MEF2A: variants seen among roughly 807,000 people sequenced by gnomAD.
The protein encoded by MEF2A is myocyte enhancer factor 2A.
In MEF2A, 28 loss-of-function variants were observed where a neutral mutation model predicts 55.8. That is an observed-to-expected ratio of 0.50 (90% CI 0.37 to 0.69). MEF2A has a LOEUF of 0.69. Ranked by LOEUF, MEF2A falls within the 30% of genes least tolerant of loss-of-function variation. MEF2A has a pLI of 0.00. For missense variants in MEF2A, 528 were observed against 626.2 expected (o/e 0.84, Z 1.67); for synonymous variants, 239 against 227.1 (o/e 1.05, Z -0.47).
chr15:99,639,493 A>G (rs949883066), intron 3 of MEF2A, among the ~76,000 whole-genome samples: 1 of 152,164 alleles, frequency 6.6e-6, no homozygotes, highest in African/African-American at 2.4e-5. Flanking sequence ...AAGAACAACT[A>G]TGTTGTTTCT....
chr15:99,597,620 C>T (rs931381393), intron 1 of MEF2A, among the ~76,000 whole-genome samples: 2 of 152,068 alleles, frequency 1.3e-5, no homozygotes, highest in African/African-American at 4.8e-5. Context: ...TCGCACACTC[C>T]CTCCCCTTTT....
At chr15:99,639,511 T>C (rs2044502251) in intron 3 of MEF2A, among the ~76,000 whole-genome samples, 1 of 152,230 alleles carries the variant, frequency 6.6e-6, no homozygotes, top group African/African-American at 2.4e-5. Flanking sequence ...TCTAATTTTT[T>C]ACTGTTATAA....
intron 2 of MEF2A, among the ~76,000 whole-genome samples, chr15:99,624,843 T>G (rs1035740305): frequency 6.6e-6 from 1 of 152,218 alleles, no homozygotes; most frequent in Non-Finnish European, 1.5e-5. Context: ...CTTTCATCAG[T>G]GTTTTTTAGT....
intron 2 of MEF2A, among the ~76,000 whole-genome samples, chr15:99,613,910 A>C (rs1009160520): frequency 6.6e-6 from 1 of 152,104 alleles, no homozygotes; most frequent in African/African-American, 2.4e-5. Context: ...AGTACCATAA[A>C]CTCATGAAAT....
chr15:99,579,631 A>G (rs1202094399), intron 1 of MEF2A, among the ~76,000 whole-genome samples: 1 of 152,172 alleles, frequency 6.6e-6, no homozygotes, highest in Admixed American at 6.5e-5. Context: ...CCCGGCCTCA[A>G]GTGATCCACT....
chr15:99,711,230 G>T (rs938183537), intron 11 of MEF2A, among the ~76,000 whole-genome samples: 1 of 152,192 alleles, frequency 6.6e-6, no homozygotes, highest in Middle Eastern at 3.2e-3. Context: ...GACAAGAATA[G>T]GAAGACAAGC....
intron 8 of MEF2A, among the ~76,000 whole-genome samples, chr15:99,698,910 T>G (rs2056926356): frequency 1.3e-5 from 2 of 152,028 alleles, no homozygotes; most frequent in South Asian, 4.1e-4. Context: ...TGGTCAGTTC[T>G]TATGAATTTA....
chr15:99,651,359 G>T (rs572952746), intron 4 of MEF2A, among the ~76,000 whole-genome samples: 1 of 152,294 alleles, frequency 6.6e-6, no homozygotes, highest in Non-Finnish European at 1.5e-5. Context: ...ACAGTATCAT[G>T]ATATTCTCAA....
At chr15:99,576,798 G>A (rs576084492) in intron 1 of MEF2A, among the ~76,000 whole-genome samples, 2 of 151,816 alleles carry the variant, frequency 1.3e-5, no homozygotes, top group Non-Finnish European at 2.9e-5. Flanking sequence ...CTGCCACCGC[G>A]CCCGGCTAAT....
rs2153836357 is a variant in MEF2A, at chr15:99,713,946, A to G, written c.*1175A>G. The G allele has an allele frequency of 6.6e-6, 1 of 152,344 alleles. No homozygotes were observed. The highest frequency in any genetic ancestry group is 2.4e-5 in the African/African-American group (1 of 41,580). 9.4% of individuals were successfully genotyped at this position (152,344 alleles called of 1,614,324 possible). A position where few individuals can be genotyped will look rare whatever the true frequency, so the allele number is the denominator to read the frequency against. On this transcript the variant is annotated 3_prime_UTR_variant, in exon 12 of 12. Transcript: ENST00000557942. The stretch of plus-strand genomic sequence containing the variant: ...AGTATATTTTTGTGGATTGCCGCCA[A>G]TCTGGGGGGAAAAGGCGAGGTCCTT...
chr15:99,704,816 G>A lies in MEF2A; in HGVS notation c.882+1431G>A, dbSNP rs995318199. 3.3e-5 allele frequency among the ~76,000 whole-genome samples: 5 copies of A among 152,222 alleles called. No individual in the cohort carries two copies. The South Asian group carries it at 6.2e-4, about 19-fold the overall frequency. Reference sequence around the variant, plus strand: ...TAAGTCCAAAGTAGATCTCTATCTCGAAAAGTCATTAAATTTATAAACTTG... The same window carrying A: ...TAAGTCCAAAGTAGATCTCTATCTCAAAAAGTCATTAAATTTATAAACTTG... On this transcript the variant is annotated intron_variant, in intron 9 of 11. Transcript: ENST00000557942.
chr15:99,597,500 CGGTCCTGT>C (rs60934436), intron 1 of MEF2A, among the ~76,000 whole-genome samples: 32,760 of 151,760 alleles, frequency 0.22, 4,182 homozygotes, highest in South Asian at 0.33. Context: ...AATTTCACCT[CGGTCCTGT>C]GGTCCTGTGG....
intron 2 of MEF2A, among the ~76,000 whole-genome samples, chr15:99,603,813 C>T (rs1177515333): frequency 6.6e-6 from 1 of 152,062 alleles, no homozygotes; most frequent in Non-Finnish European, 1.5e-5. Flanking sequence ...TTCTGTGTCC[C>T]TTTTGATTTT....
chr15:99,650,694 G>T (rs1278509641), intron 4 of MEF2A, among the ~76,000 whole-genome samples: 1 of 152,186 alleles, frequency 6.6e-6, no homozygotes, highest in African/African-American at 2.4e-5. Flanking sequence ...ATCAGTATAA[G>T]ATCCATCTAT....
In MEF2A at chr15:99,576,494, A is replaced by G. The variant is rs149754142; in HGVS notation, c.-225+10390A>G. ...ATAATAATGACCCAACATTATTTTTATTACTTTCATATGATAATGAACTAT... is the reference window on the plus strand; with the variant it reads ...ATAATAATGACCCAACATTATTTTTGTTACTTTCATATGATAATGAACTAT... On this transcript the variant is annotated intron_variant, in intron 1 of 11. Coordinates refer to ENST00000557942, the MANE Select transcript of MEF2A (RefSeq NM_001319206.4). Among the ~76,000 whole-genome samples the G allele has an allele frequency of 4.4e-3, 664 of 152,230 alleles. 7 individuals carry two copies. The highest frequency in any genetic ancestry group is 0.015 in the African/African-American group (622 of 41,532).
At chr15:99,685,395 G>A (rs552089709) in intron 7 of MEF2A, among the ~76,000 whole-genome samples, 1 of 151,504 alleles carries the variant, frequency 6.6e-6, no homozygotes, top group South Asian at 2.1e-4. Context: ...AGTTTTCCTT[G>A]TAGAAATTTT....
intron 2 of MEF2A, among the ~76,000 whole-genome samples, chr15:99,600,625 A>G (rs1246163076): frequency 2.0e-5 from 3 of 152,096 alleles, no homozygotes; most frequent in Non-Finnish European, 2.9e-5. Flanking sequence ...TTGAATATAG[A>G]TATCATATTG....
chr15:99,576,408 G>A (rs969558650), intron 1 of MEF2A, among the ~76,000 whole-genome samples: 1 of 152,060 alleles, frequency 6.6e-6, no homozygotes, highest in Non-Finnish European at 1.5e-5. Context: ...TACTCAGTGA[G>A]TATGTTCATA....
At chr15:99,567,622 A>G (rs904749917) in intron 1 of MEF2A, among the ~76,000 whole-genome samples, 2 of 133,740 alleles carry the variant, frequency 1.5e-5, no homozygotes, top group Middle Eastern at 3.6e-3. Context: ...TGGCTTTTGT[A>G]TGTACTGTGT....
Sources: allele counts gnomAD v4.1 joint callset (sites outside exome capture counted in the v4.1 genomes callset), GRCh38; gene constraint gnomAD v4.1.1; transcripts MANE v1.5; gene names NCBI Gene and HGNC (gene_info 2026-07-23, HGNC 2026-07-21).